PTPRD: variants seen among roughly 807,000 people sequenced by gnomAD.
The protein encoded by PTPRD is receptor-type tyrosine-protein phosphatase delta.
Under a neutral mutation model 214.5 loss-of-function variants are expected in PTPRD, and 34 were observed. The observed-to-expected ratio is 0.16, with a 90% CI of 0.12 to 0.21. PTPRD has a LOEUF of 0.21. Among genes scored for constraint, PTPRD ranks in the 10% least tolerant of loss-of-function variants. PTPRD has a pLI of 1.00. For synonymous variants in PTPRD, 1,128 were observed against 845.7 expected (o/e 1.33, Z -5.79); for missense variants, 2,545 against 2,398.7 (o/e 1.06, Z -1.27).
At chr9:10,533,280 C>G (rs1366767413) in intron 2 of PTPRD, among the ~76,000 whole-genome samples, 1 of 152,092 alleles carries the variant, frequency 6.6e-6, no homozygotes, top group Non-Finnish European at 1.5e-5. Flanking sequence ...TATAAATCAC[C>G]TGGTCTCAGG....
At chr9:8,871,268 T>C (rs1313224580) in intron 11 of PTPRD, among the ~76,000 whole-genome samples, 2 of 152,264 alleles carry the variant, frequency 1.3e-5, no homozygotes, top group Non-Finnish European at 2.9e-5. Context: ...AAGACTACTC[T>C]AAAAAGCTAC....
intron 9 of PTPRD, among the ~76,000 whole-genome samples, chr9:9,340,634 T>A (rs536020850): frequency 6.6e-6 from 1 of 152,144 alleles, no homozygotes; most frequent in African/African-American, 2.4e-5. Context: ...CAATATCTGT[T>A]AGAACTAAAG....
chr9:9,546,977 A>T (rs939482302), intron 8 of PTPRD, among the ~76,000 whole-genome samples: 53 of 152,004 alleles, frequency 3.5e-4, no homozygotes, highest in Admixed American at 1.1e-3. Flanking sequence ...TTAAAAAAAA[A>T]AATAAAAATA....
Position 10,302,969 on chromosome 9 carries a change from C to A in PTPRD, c.-545+37994G>T, listed in dbSNP as rs1054277917. ...TCAACAGAATATACATTCTTCTCAG[C>A]ACCACATCACACTTATTCTAAAATT... is the stretch of plus-strand genomic sequence containing the variant. On this transcript the variant is annotated intron_variant, in intron 3 of 45. Coordinates refer to ENST00000381196, the MANE Select transcript of PTPRD (RefSeq NM_002839.4). Among the ~76,000 whole-genome samples, 7 of 152,306 alleles carry A rather than the reference C, an allele frequency of 4.6e-5. No individual in the cohort carries two copies. In the East Asian group the frequency reaches 1.3e-3, roughly 29 times the overall value.
chr9:8,460,266 A>T, intron 33 of PTPRD, 145 bp downstream of exon 33: 2 of 969,244 alleles, frequency 2.1e-6, no homozygotes, highest in East Asian at 2.4e-5. Context: ...ATCTTACTGT[A>T]ATGTAAACAC....
At chr9:8,813,132 G>A (rs370939401) in intron 11 of PTPRD, among the ~76,000 whole-genome samples, 2 of 152,110 alleles carry the variant, frequency 1.3e-5, no homozygotes, top group African/African-American at 2.4e-5. Context: ...ATAATAAATG[G>A]GGCTCCAATG....
At chr9:8,544,329 G>A (rs750290420) in intron 14 of PTPRD, among the ~76,000 whole-genome samples, 8 of 151,568 alleles carry the variant, frequency 5.3e-5, no homozygotes, top group Non-Finnish European at 1.0e-4. Flanking sequence ...TAATCCGCCT[G>A]TATCGGCCTC....
chr9:8,556,838 A>G (rs1435753346), intron 14 of PTPRD, among the ~76,000 whole-genome samples: 1 of 152,186 alleles, frequency 6.6e-6, no homozygotes, highest in Non-Finnish European at 1.5e-5. Context: ...AGGTGACAGA[A>G]TCGAACCCAT....
chr9:8,991,014 C>A (rs980097820), intron 11 of PTPRD, among the ~76,000 whole-genome samples: 4 of 151,426 alleles, frequency 2.6e-5, no homozygotes, highest in African/African-American at 9.7e-5. Flanking sequence ...TAGGAGTTTG[C>A]GACCAGCCTG....
chr9:10,569,170 A>C (rs1329901791), intron 2 of PTPRD, among the ~76,000 whole-genome samples: 1 of 152,206 alleles, frequency 6.6e-6, no homozygotes, highest in Non-Finnish European at 1.5e-5. Context: ...ACATGAAAAA[A>C]TGCTCATCAT....
chr9:8,409,866 G>A (rs1038176435), intron 35 of PTPRD, among the ~76,000 whole-genome samples: 2 of 152,244 alleles, frequency 1.3e-5, no homozygotes, highest in Admixed American at 6.5e-5. Context: ...TACTTCACTC[G>A]TCAAACCATG....
chr9:8,845,330 G>GA (rs1348825571), intron 11 of PTPRD, among the ~76,000 whole-genome samples: 1 of 152,098 alleles, frequency 6.6e-6, no homozygotes, highest in Non-Finnish European at 1.5e-5. Flanking sequence ...GTCCTATAAA[G>GA]AAAAAAAGTC....
At chr9:10,552,116 A>G (rs1426490937) in intron 2 of PTPRD, among the ~76,000 whole-genome samples, 1 of 152,104 alleles carries the variant, frequency 6.6e-6, no homozygotes, top group Non-Finnish European at 1.5e-5. Flanking sequence ...TTATTAGTAC[A>G]ATTTTGCAGT....
intron 12 of PTPRD, among the ~76,000 whole-genome samples, chr9:8,668,185 G>C (rs555360692): frequency 3.9e-5 from 6 of 152,246 alleles, no homozygotes; most frequent in East Asian, 3.9e-4. Flanking sequence ...GCAACACCAA[G>C]AACAGTGTCA....
At chr9:8,804,282 A>T (rs1032528770) in intron 11 of PTPRD, among the ~76,000 whole-genome samples, 6 of 152,020 alleles carry the variant, frequency 3.9e-5, no homozygotes, top group African/African-American at 1.4e-4. Flanking sequence ...ACAAATCTAT[A>T]GGCACTTTAA....
At chr9:9,991,994 C>G (rs144674056) in intron 4 of PTPRD, among the ~76,000 whole-genome samples, 1 of 152,024 alleles carries the variant, frequency 6.6e-6, no homozygotes, top group African/African-American at 2.4e-5. Flanking sequence ...AAAAACATTA[C>G]GCTAAATGAA....
At chr9:8,339,070 T>G in intron 42 of PTPRD, 23 bp from the exon 43 acceptor site, 1 of 1,605,512 alleles carries the variant, frequency 6.2e-7, no homozygotes, top group Non-Finnish European at 8.5e-7. Flanking sequence ...AAGATTAATG[T>G]TAAACTATGC....
intron 5 of PTPRD, among the ~76,000 whole-genome samples, chr9:9,868,532 G>T (rs1027017716): frequency 6.6e-6 from 1 of 151,868 alleles, no homozygotes; most frequent in African/African-American, 2.4e-5. Context: ...AGGAAATATA[G>T]CTTGAGAATA....
intron 39 of PTPRD, among the ~76,000 whole-genome samples, chr9:8,375,366 A>C (rs1202967771): frequency 6.6e-6 from 1 of 152,068 alleles, no homozygotes; most frequent in Non-Finnish European, 1.5e-5. Context: ...TTGAGTACAT[A>C]AAACGACTTC....
Sources: gnomAD v4.1 joint callset for allele counts (sites outside exome capture counted in the v4.1 genomes callset) on GRCh38, gnomAD v4.1.1 for gene constraint, MANE v1.5 for transcripts, NCBI Gene and HGNC (gene_info 2026-07-23, HGNC 2026-07-21) for gene names.